COL22A1: variants seen among roughly 807,000 people sequenced by gnomAD.
The protein encoded by COL22A1 is collagen type XXII alpha 1 chain, also known as collagen alpha-1(XXII) chain.
In COL22A1, 221 loss-of-function variants were observed where a neutral mutation model predicts 248.9. The ratio of observed to expected loss-of-function variants is 0.89; its 90% CI spans 0.80 to 0.99. The LOEUF (loss-of-function observed/expected upper bound fraction) is 0.99. Ranked by LOEUF, COL22A1 falls within the 50% of genes least tolerant of loss-of-function variation. The pLI, the probability that COL22A1 is intolerant of heterozygous loss-of-function variation, is 0.00. For missense variants in COL22A1, 2,240 were observed against 2,179.0 expected, an observed-to-expected ratio of 1.03 and a Z score of -0.56; for synonymous variants, 891 against 793.4, an observed-to-expected ratio of 1.12 and a Z score of -2.07.
At chr8:138,884,746 A>G (rs1374059394) in intron 1 of COL22A1, among the ~76,000 whole-genome samples, 1 of 152,196 alleles carries the variant, frequency 6.6e-6, no homozygotes, top group Non-Finnish European at 1.5e-5. Context: ...AGGAGGGGTT[A>G]GCCAAACATA....
intron 3 of COL22A1, among the ~76,000 whole-genome samples, chr8:138,847,304 C>T (rs988006423): frequency 1.3e-5 from 2 of 152,180 alleles, no homozygotes; most frequent in Non-Finnish European, 2.9e-5. Flanking sequence ...GCCTCCCAGG[C>T]ATGGGGTTCG....
Position 138,605,042 on chromosome 8 carries a change from C to T in COL22A1, c.4105-273G>A, listed in dbSNP as rs182598625. Among the ~76,000 whole-genome samples, 393 of 152,168 alleles carry T rather than the reference C, an allele frequency of 2.6e-3. 1 individual carries two copies. Among genetic ancestry groups the T allele is most frequent in the African/African-American group, 8.9e-3 (371 of 41,522 alleles). On this transcript the variant is annotated intron_variant, in intron 58 of 64. Coordinates refer to ENST00000303045, the MANE Select transcript of COL22A1 (RefSeq NM_152888.3). Reference sequence around the variant, plus strand: ...TCCACCAAGAGGGCCTCCAGGATATCGATTTTACAAATAGTCCTGTTGTGA... The same window carrying T: ...TCCACCAAGAGGGCCTCCAGGATATTGATTTTACAAATAGTCCTGTTGTGA...
At chr8:138,620,941 G>GCATCCATCCATC (rs754305152) in intron 52 of COL22A1, among the ~76,000 whole-genome samples, 5 of 126,742 alleles carry the variant, frequency 3.9e-5, no homozygotes, top group South Asian at 3.0e-4. Context: ...AACCAACCAA[G>GCATCCATCCATC]CATCCATCCA....
At chr8:138,626,704 T>C (rs1339625860) in intron 50 of COL22A1, among the ~76,000 whole-genome samples, 3 of 152,212 alleles carry the variant, frequency 2.0e-5, no homozygotes, top group Admixed American at 2.0e-4. Context: ...GGTGCATGCA[T>C]AGAGGATGGT....
intron 53 of COL22A1, among the ~76,000 whole-genome samples, chr8:138,617,515 C>G (rs1040193887): frequency 6.6e-6 from 1 of 152,144 alleles, no homozygotes; most frequent in Non-Finnish European, 1.5e-5. Flanking sequence ...CCTGAAGCAC[C>G]ACTACAGAGT....
At chr8:138,768,328 A>G (rs1834073717) in intron 16 of COL22A1, among the ~76,000 whole-genome samples, 1 of 152,104 alleles carries the variant, frequency 6.6e-6, no homozygotes, top group African/African-American at 2.4e-5. Flanking sequence ...TCACTGAAGC[A>G]CACTCTTGCC....
At chr8:138,699,460 C>T (rs532954189) in intron 32 of COL22A1, among the ~76,000 whole-genome samples, 15 of 152,350 alleles carry the variant, frequency 9.8e-5, no homozygotes, top group African/African-American at 3.4e-4. Flanking sequence ...GCAAAAGAAA[C>T]AATGGCATGT....
In COL22A1 at chr8:138,690,153, A is replaced by G. The variant is rs929368147; in HGVS notation, c.2808+668T>C. The stretch of plus-strand genomic sequence containing the variant: ...CTCTAAGCTACTATGCTTATTACCT[A>G]TAAAGGCTTGATGAAGAAACAAGAC... On this transcript the variant is annotated intron_variant, in intron 36 of 64. Transcript: ENST00000303045. Among the ~76,000 whole-genome samples the G allele has an allele frequency of 3.3e-5, 5 of 152,234 alleles. No individual in the cohort carries two copies. The East Asian group carries it at 7.7e-4, about 23-fold the overall frequency.
rs190535174 is a variant in COL22A1, at chr8:138,720,656, A to G, written c.2355+83T>C. On this transcript the variant is annotated intron_variant, in intron 27 of 64. Transcript: ENST00000303045. ...CCCAGCTGATATAGACGCTATGCTT[A>G]TGGTAAGTCGAGATTCACACACCAC... 6.6e-5 allele frequency: 74 copies of G among 1,113,850 alleles called. 2 individuals are homozygous for G. In the African/African-American group the frequency reaches 9.8e-4, roughly 15 times the overall value. The allele number at this position is 1,113,850 out of a possible 1,614,324, so 69.0% of individuals were successfully genotyped here. A position where few individuals can be genotyped will look rare whatever the true frequency, so the allele number is the denominator to read the frequency against.
chr8:138,772,217 C>G (rs569972469), intron 16 of COL22A1, among the ~76,000 whole-genome samples: 1 of 152,372 alleles, frequency 6.6e-6, no homozygotes, highest in South Asian at 2.1e-4. Context: ...CGGTGCTCAC[C>G]CATGTGTCAA....
intron 23 of COL22A1, among the ~76,000 whole-genome samples, chr8:138,732,825 A>C (rs908669245): frequency 9.9e-5 from 15 of 152,240 alleles, no homozygotes; most frequent in African/African-American, 3.4e-4. Flanking sequence ...ATGATGCATG[A>C]ATGACTAATT....
At chr8:138,797,575 CTT>C (rs1472145683) in intron 11 of COL22A1, among the ~76,000 whole-genome samples, 1 of 152,124 alleles carries the variant, frequency 6.6e-6, no homozygotes, top group African/African-American at 2.4e-5. Flanking sequence ...GTAAACATAT[CTT>C]TGCATTTTTG....
chr8:138,835,942 G>A (rs776685481), intron 4 of COL22A1, among the ~76,000 whole-genome samples: 1 of 152,068 alleles, frequency 6.6e-6, no homozygotes, highest in Non-Finnish European at 1.5e-5. Context: ...AACCTCTCTG[G>A]ACCTCATGTC....
rs1317964570 is a variant in COL22A1 at position 138,755,089 on chromosome 8, T to C, written c.2031+68A>G. On this transcript the variant is annotated intron_variant, in intron 21 of 64. Coordinates refer to ENST00000303045, the MANE Select transcript of COL22A1 (RefSeq NM_152888.3). The stretch of plus-strand genomic sequence containing the variant: ...CCATGCTCAGCGCCGGGAATGACTC[T>C]GATCTTCCAAACCCATTGGTAAGAG... 6.7e-6 allele frequency: 10 copies of C among 1,498,512 alleles called. No individual in the cohort carries two copies. In the African/African-American group the frequency reaches 1.4e-4, roughly 21 times the overall value. 92.8% of individuals were successfully genotyped at this position (1,498,512 alleles called of 1,614,324 possible).
chr8:138,846,805 C>T (rs983847040), intron 3 of COL22A1, among the ~76,000 whole-genome samples: 2 of 152,182 alleles, frequency 1.3e-5, no homozygotes, highest in Non-Finnish European at 2.9e-5. Flanking sequence ...TACTGAGCTC[C>T]AGATATGTTC....
intron 12 of COL22A1, among the ~76,000 whole-genome samples, chr8:138,784,385 T>A (rs1242384538): frequency 6.6e-6 from 1 of 152,230 alleles, no homozygotes; most frequent in Non-Finnish European, 1.5e-5. Flanking sequence ...GGTTAAACTA[T>A]CACAAGCATC....
rs75458527 is a variant in COL22A1 at position 138,833,202 on chromosome 8, G to A, written c.734-52C>T. ...AGTTTGGAGAAGGAAGAGTATAAGA[G>A]ACAAAGGAAAATCACATCCGCTGTC... On this transcript the variant is annotated intron_variant, in intron 4 of 64. Transcript: ENST00000303045. The A allele has an allele frequency of 2.4e-4, 320 of 1,326,000 alleles. 4 individuals are homozygous for A. In the East Asian group the frequency reaches 7.4e-3, roughly 30 times the overall value. The allele number at this position is 1,326,000 out of a possible 1,614,324, so 82.1% of individuals were successfully genotyped here. A position where few individuals can be genotyped will look rare whatever the true frequency, so the allele number is the denominator to read the frequency against.
At chr8:138,897,707 A>G (rs970609737) in intron 1 of COL22A1, among the ~76,000 whole-genome samples, 3 of 152,048 alleles carry the variant, frequency 2.0e-5, no homozygotes, top group Non-Finnish European at 4.4e-5. Flanking sequence ...AAATTGATGA[A>G]TGATTTCCCT....
chr8:138,859,433 G>A (rs538549185), intron 3 of COL22A1, among the ~76,000 whole-genome samples: 4 of 152,290 alleles, frequency 2.6e-5, no homozygotes, highest in South Asian at 2.1e-4. Context: ...GGCCCTCCCC[G>A]GAAGGCTGGT....
Sources: gnomAD v4.1 joint callset for allele counts (sites outside exome capture counted in the v4.1 genomes callset) on GRCh38, gnomAD v4.1.1 for gene constraint, MANE v1.5 for transcripts, NCBI Gene and HGNC (gene_info 2026-07-23, HGNC 2026-07-21) for gene names.